Variants in DOCK4 observed in about 807,000 individuals in gnomAD.
DOCK4 encodes dedicator of cytokinesis 4, also known as dedicator of cytokinesis protein 4.
A neutral mutation model predicts 268.1 loss-of-function variants in DOCK4; 97 were observed. The observed-to-expected ratio is 0.36, with a 90% confidence interval of 0.31 to 0.43. The LOEUF is 0.43. Ranked by LOEUF, DOCK4 falls within the 20% of genes least tolerant of loss-of-function variation. DOCK4 has a pLI of 1.00. For missense variants in DOCK4, 2,145 were observed against 2,455.7 expected, an observed-to-expected ratio of 0.87 and a Z score of 2.67; for synonymous variants, 954 against 887.2, an observed-to-expected ratio of 1.08 and a Z score of -1.34.
chr7:112,176,965 A>C (rs1423467107), intron 1 of DOCK4, among the ~76,000 whole-genome samples: 1 of 152,194 alleles, frequency 6.6e-6, no homozygotes, highest in African/African-American at 2.4e-5. Flanking sequence ...TTAGTGACAT[A>C]AGTTCCCTAG....
chr7:112,181,129 A>G (rs966113098), intron 1 of DOCK4, among the ~76,000 whole-genome samples: 4 of 152,214 alleles, frequency 2.6e-5, no homozygotes, highest in Non-Finnish European at 5.9e-5. Context: ...ATAATATCCA[A>G]TGTTGGCAAG....
At chr7:111,800,673 T>C (rs2133854918) in intron 30 of DOCK4, among the ~76,000 whole-genome samples, 1 of 152,292 alleles carries the variant, frequency 6.6e-6, no homozygotes, top group South Asian at 2.1e-4. Context: ...TTGTAAAATT[T>C]ATCTTTTTTC....
chr7:112,049,599 T>C (rs990361775), intron 1 of DOCK4, among the ~76,000 whole-genome samples: 1 of 152,166 alleles, frequency 6.6e-6, no homozygotes, highest in African/African-American at 2.4e-5. Flanking sequence ...GAGATTGTCA[T>C]ATTGGATTAA....
chr7:112,000,423 T>C, intron 3 of DOCK4, 71 bp downstream of exon 3: 1 of 1,019,594 alleles, frequency 9.8e-7, no homozygotes, highest in South Asian at 1.7e-5. Context: ...TTCAATTGTA[T>C]AAAGAAATAA....
At chr7:112,122,067 A>T (rs1812779579) in intron 1 of DOCK4, among the ~76,000 whole-genome samples, 1 of 152,146 alleles carries the variant, frequency 6.6e-6, no homozygotes, top group South Asian at 2.1e-4. Flanking sequence ...GCTTTGTCTG[A>T]TATTAACATT....
At chr7:111,764,568 G>A (rs1225645446) in intron 39 of DOCK4, among the ~76,000 whole-genome samples, 1 of 152,128 alleles carries the variant, frequency 6.6e-6, no homozygotes, top group African/African-American at 2.4e-5. Flanking sequence ...AAAGAATGGA[G>A]TTGAATATTT....
chr7:111,895,973 ATT>A (rs1280582824), intron 15 of DOCK4, among the ~76,000 whole-genome samples: 1 of 152,182 alleles, frequency 6.6e-6, no homozygotes, highest in Non-Finnish European at 1.5e-5. Flanking sequence ...TTTTTAAAAA[ATT>A]TGTGGATTGC....
intron 49 of DOCK4, among the ~76,000 whole-genome samples, chr7:111,737,393 C>T (rs917489851): frequency 9.2e-5 from 14 of 151,886 alleles, no homozygotes; most frequent in African/African-American, 1.9e-4. Context: ...AATCCCAAAG[C>T]GCTGGGATTA....
rs1008142288 is a variant in DOCK4 at position 111,926,303 on chromosome 7, C to T, written c.1066+9237G>A. 1.3e-4 allele frequency among the ~76,000 whole-genome samples: 19 copies of T among 144,356 alleles called. 1 individual carries two copies. The highest frequency in any genetic ancestry group is 1.6e-4 in the Non-Finnish European group (11 of 66,838). 94.7% of individuals were successfully genotyped at this position (144,356 alleles called of 152,430 possible). ...AAATAAGCCGAGCATGGTGGCGCGC[C>T]GCCTGTAGTTCCAGCTATTCAGGAG... On this transcript the variant is annotated intron_variant, in intron 12 of 52. Coordinates refer to ENST00000428084, the MANE Select transcript of DOCK4 (RefSeq NM_001363540.2).
chr7:111,964,049 C>A (rs1427832515), intron 8 of DOCK4, among the ~76,000 whole-genome samples: 1 of 138,648 alleles, frequency 7.2e-6, no homozygotes, highest in Non-Finnish European at 1.5e-5. Flanking sequence ...CACCGAAAAC[C>A]CATCTGTACA....
chr7:111,807,153 G>T (rs957034204), intron 30 of DOCK4, among the ~76,000 whole-genome samples: 1 of 152,082 alleles, frequency 6.6e-6, no homozygotes, highest in Non-Finnish European at 1.5e-5. Flanking sequence ...TCTTGTAACC[G>T]AACAGAATCT....
At chr7:111,743,430 T>G (rs952331874) in intron 44 of DOCK4, among the ~76,000 whole-genome samples, 1 of 152,198 alleles carries the variant, frequency 6.6e-6, no homozygotes, top group African/African-American at 2.4e-5. Flanking sequence ...ACTGCCAGCA[T>G]ATTTGCATAA....
At chr7:112,060,234 T>C (rs1205929932) in intron 1 of DOCK4, among the ~76,000 whole-genome samples, 1 of 152,080 alleles carries the variant, frequency 6.6e-6, no homozygotes, top group African/African-American at 2.4e-5. Flanking sequence ...AGTTCATCAA[T>C]TTAGGGAAAT....
intron 1 of DOCK4, among the ~76,000 whole-genome samples, chr7:112,030,796 T>C (rs926567119): frequency 2.0e-5 from 3 of 152,148 alleles, no homozygotes; most frequent in Non-Finnish European, 4.4e-5. Flanking sequence ...GCTGCAGCAA[T>C]AGGCTAAGTC....
At chr7:112,031,318 A>G (rs552334662) in intron 1 of DOCK4, among the ~76,000 whole-genome samples, 23 of 152,312 alleles carry the variant, frequency 1.5e-4, no homozygotes, top group African/African-American at 5.3e-4. Flanking sequence ...AGTGGAGTTG[A>G]GCATCACTCC....
chr7:111,911,039 C>T (rs1442877809), intron 13 of DOCK4, among the ~76,000 whole-genome samples: 1 of 152,170 alleles, frequency 6.6e-6, no homozygotes, highest in African/African-American at 2.4e-5. Flanking sequence ...TGTGTATGTT[C>T]TTGTCCTTGT....
intron 36 of DOCK4, among the ~76,000 whole-genome samples, chr7:111,777,595 T>C (rs1362626552): frequency 6.6e-6 from 1 of 152,194 alleles, no homozygotes; most frequent in Non-Finnish European, 1.5e-5. Flanking sequence ...GAGACCTATA[T>C]AGTTGTAAAA....
intron 1 of DOCK4, among the ~76,000 whole-genome samples, chr7:112,150,951 A>G (rs1816000262): frequency 6.6e-6 from 1 of 152,204 alleles, no homozygotes; most frequent in South Asian, 2.1e-4. Context: ...TGTTTGTTTA[A>G]GCCACAAGGA....
chr7:111,787,820 C>A (rs1033392448), intron 32 of DOCK4, among the ~76,000 whole-genome samples: 3 of 152,156 alleles, frequency 2.0e-5, no homozygotes, highest in Non-Finnish European at 4.4e-5. Context: ...TCTGAAAGAA[C>A]TGCAAACATT....
Sources: gnomAD v4.1 joint callset for allele counts (sites outside exome capture counted in the v4.1 genomes callset) on GRCh38, gnomAD v4.1.1 for gene constraint, MANE v1.5 for transcripts, NCBI Gene and HGNC (gene_info 2026-07-23, HGNC 2026-07-21) for gene names.